SGCZ: variants seen among roughly 807,000 people sequenced by gnomAD.
SGCZ encodes the protein zeta-sarcoglycan.
A neutral mutation model predicts 41.3 loss-of-function variants in SGCZ; 40 were observed. That is an observed-to-expected ratio of 0.97 (90% CI 0.75 to 1.26). The LOEUF (loss-of-function observed/expected upper bound fraction) is 1.26. Ranked by LOEUF, SGCZ falls within the 50% of genes most tolerant of loss-of-function variation. The probability of loss-of-function intolerance (pLI) is 0.00; values close to 1 mark genes in which losing one functional copy is unlikely to be tolerated. For missense variants in SGCZ, 552 were observed against 369.8 expected, an observed-to-expected ratio of 1.49 and a Z score of -4.04; for synonymous variants, 206 against 137.5, an observed-to-expected ratio of 1.50 and a Z score of -3.49.
intron 1 of SGCZ, among the ~76,000 whole-genome samples, chr8:15,045,809 T>G (rs915672014): frequency 2.0e-5 from 3 of 151,996 alleles, no homozygotes; most frequent in African/African-American, 7.2e-5. Flanking sequence ...TTCCCCTCAG[T>G]GCAGACACCA....
intron 4 of SGCZ, among the ~76,000 whole-genome samples, chr8:14,173,609 C>A (rs1804455837): frequency 6.6e-6 from 1 of 152,006 alleles, no homozygotes; most frequent in African/African-American, 2.4e-5. Context: ...AGCATAAATA[C>A]AACGTCCATG....
intron 1 of SGCZ, among the ~76,000 whole-genome samples, chr8:14,792,328 G>A (rs539480901): frequency 3.0e-4 from 46 of 152,136 alleles, no homozygotes; most frequent in Non-Finnish European, 5.7e-4. Flanking sequence ...CATCTCTTTT[G>A]TGTTTCCACA....
intron 3 of SGCZ, among the ~76,000 whole-genome samples, chr8:14,264,991 A>G (rs1799823174): frequency 6.6e-6 from 1 of 152,110 alleles, no homozygotes; most frequent in African/African-American, 2.4e-5. Flanking sequence ...AAAAACACAA[A>G]AAAACAAAAA....
chr8:14,289,103 G>C (rs1800751376), intron 3 of SGCZ, among the ~76,000 whole-genome samples: 1 of 151,886 alleles, frequency 6.6e-6, no homozygotes, highest in African/African-American at 2.4e-5. Flanking sequence ...CACGTTATTT[G>C]TACATTTTGT....
At chr8:14,290,080 C>T (rs979755212) in intron 3 of SGCZ, among the ~76,000 whole-genome samples, 2 of 152,048 alleles carry the variant, frequency 1.3e-5, no homozygotes, top group South Asian at 2.1e-4. Flanking sequence ...CAGGTCCCTC[C>T]CTTGACATAT....
intron 1 of SGCZ, among the ~76,000 whole-genome samples, chr8:14,624,433 GATT>G (rs541423676): frequency 1.3e-5 from 2 of 151,580 alleles, no homozygotes; most frequent in South Asian, 4.2e-4. Context: ...GCTGAATAAA[GATT>G]ATTAATAGGG....
At chr8:15,048,656 A>C (rs2130989468) in intron 1 of SGCZ, among the ~76,000 whole-genome samples, 1 of 152,242 alleles carries the variant, frequency 6.6e-6, no homozygotes, top group South Asian at 2.1e-4. Context: ...GATATTCTCC[A>C]ATTGGGATCA....
intron 1 of SGCZ, among the ~76,000 whole-genome samples, chr8:14,625,846 C>G (rs1510433): frequency 6.6e-6 from 1 of 152,066 alleles, no homozygotes. Flanking sequence ...TTTCAGATGA[C>G]ATTAAAAGCA....
chr8:14,956,282 C>A (rs1167474394), intron 1 of SGCZ, among the ~76,000 whole-genome samples: 1 of 152,004 alleles, frequency 6.6e-6, no homozygotes, highest in Non-Finnish European at 1.5e-5. Context: ...TCGTGATCCG[C>A]CTGCTTCAGC....
intron 1 of SGCZ, among the ~76,000 whole-genome samples, chr8:15,197,903 C>G (rs932224646): frequency 2.7e-5 from 4 of 150,246 alleles, no homozygotes; most frequent in African/African-American, 9.8e-5. Flanking sequence ...CACACACATT[C>G]GTGTATATAT....
At chr8:15,000,025 G>T (rs535804285) in intron 1 of SGCZ, among the ~76,000 whole-genome samples, 2 of 152,156 alleles carry the variant, frequency 1.3e-5, no homozygotes, top group Non-Finnish European at 2.9e-5. Flanking sequence ...ATTAAAAGAG[G>T]TAAGTAAGGT....
At chr8:14,584,400 A>G (rs536595048) in intron 1 of SGCZ, among the ~76,000 whole-genome samples, 28 of 152,214 alleles carry the variant, frequency 1.8e-4, no homozygotes, top group African/African-American at 6.3e-4. Context: ...GAGGGCTTAC[A>G]TTCTAGGCTA....
chr8:15,096,827 A>C (rs900934741), intron 1 of SGCZ, among the ~76,000 whole-genome samples: 3 of 152,068 alleles, frequency 2.0e-5, no homozygotes, highest in African/African-American at 7.2e-5. Flanking sequence ...CTGGGACTAC[A>C]GGCACATACC....
intron 1 of SGCZ, among the ~76,000 whole-genome samples, chr8:14,869,173 A>G (rs534900232): frequency 6.6e-6 from 1 of 152,308 alleles, no homozygotes; most frequent in African/African-American, 2.4e-5. Context: ...GATGAACATC[A>G]ATGTGAAAAT....
intron 3 of SGCZ, among the ~76,000 whole-genome samples, chr8:14,315,383 C>T (rs568127594): frequency 6.6e-6 from 1 of 152,012 alleles, no homozygotes; most frequent in South Asian, 2.1e-4. Context: ...AGACATGGCC[C>T]CTGGGTTATT....
intron 1 of SGCZ, among the ~76,000 whole-genome samples, chr8:14,979,104 T>C (rs1375498722): frequency 6.6e-6 from 1 of 152,190 alleles, no homozygotes; most frequent in African/African-American, 2.4e-5. Flanking sequence ...CAGCCAAGTT[T>C]ACTATTTTCT....
chr8:14,506,644 T>C (rs1305146058), intron 2 of SGCZ, among the ~76,000 whole-genome samples: 4 of 152,230 alleles, frequency 2.6e-5, no homozygotes, highest in Non-Finnish European at 2.9e-5. Context: ...CCCTTCTGTC[T>C]GGACTTTAAT....
At chr8:14,506,847 T>C (rs573188379) in intron 2 of SGCZ, among the ~76,000 whole-genome samples, 2 of 152,294 alleles carry the variant, frequency 1.3e-5, no homozygotes, top group Non-Finnish European at 2.9e-5. Context: ...TTAGATTTCC[T>C]ATTTAGCTTA....
intron 1 of SGCZ, among the ~76,000 whole-genome samples, chr8:14,903,626 A>T (rs1407337459): frequency 6.6e-6 from 1 of 152,080 alleles, no homozygotes; most frequent in Non-Finnish European, 1.5e-5. Context: ...CACTTCTATG[A>T]AATAGGAACA....
Sources: gnomAD v4.1 joint callset for allele counts (sites outside exome capture counted in the v4.1 genomes callset) on GRCh38, gnomAD v4.1.1 for gene constraint, MANE v1.5 for transcripts, NCBI Gene and HGNC (gene_info 2026-07-23, HGNC 2026-07-21) for gene names.